The following ETV6 variants were observed in gnomAD, a reference collection of about 807,000 sequenced individuals.
ETV6 encodes the protein ETS variant transcription factor 6.
A neutral mutation model predicts 51.1 loss-of-function variants in ETV6; 16 were observed. The ratio of observed to expected loss-of-function variants is 0.31; its 90% CI spans 0.21 to 0.48. ETV6 has a LOEUF of 0.48. Among genes scored for constraint, ETV6 ranks in the 20% least tolerant of loss-of-function variants. The pLI is 0.99. For missense variants in ETV6, 458 were observed against 594.8 expected (o/e 0.77, Z 2.39); for synonymous variants, 240 against 224.1 (o/e 1.07, Z -0.64).
intron 1 of ETV6, among the ~76,000 whole-genome samples, chr12:11,697,878 GAT>G (rs1184292985): frequency 6.6e-6 from 1 of 152,138 alleles, no homozygotes; most frequent in East Asian, 1.9e-4. Context: ...AGCCCCGAGA[GAT>G]TTCCAATCAT....
intron 3 of ETV6, among the ~76,000 whole-genome samples, chr12:11,842,555 A>G (rs989953381): frequency 6.6e-6 from 1 of 152,150 alleles, no homozygotes; most frequent in African/African-American, 2.4e-5. Context: ...AGTACCTAAC[A>G]CCAGGGCATG....
chr12:11,744,984 A>C (rs980036409), intron 1 of ETV6, among the ~76,000 whole-genome samples: 5 of 152,174 alleles, frequency 3.3e-5, no homozygotes, highest in Admixed American at 6.5e-5. Context: ...TAAAATGGGA[A>C]CAATAAAGAA....
At chr12:11,765,623 A>T (rs1158377034) in intron 2 of ETV6, among the ~76,000 whole-genome samples, 1 of 151,944 alleles carries the variant, frequency 6.6e-6, no homozygotes, top group Non-Finnish European at 1.5e-5. Context: ...ACCATTCACA[A>T]TATGTCTGAG....
chr12:11,730,768 G>T (rs1197017963), intron 1 of ETV6, among the ~76,000 whole-genome samples: 1 of 152,238 alleles, frequency 6.6e-6, no homozygotes, highest in Non-Finnish European at 1.5e-5. Context: ...TAGAGCAGAA[G>T]TAGAGGAATG....
At chr12:11,878,195 T>G (rs1947022735) in intron 5 of ETV6, among the ~76,000 whole-genome samples, 1 of 152,208 alleles carries the variant, frequency 6.6e-6, no homozygotes, top group Non-Finnish European at 1.5e-5. Flanking sequence ...TCCCAGCGGC[T>G]GAGTCACTGC....
At chr12:11,823,412 C>G (rs186880335) in intron 2 of ETV6, among the ~76,000 whole-genome samples, 5 of 151,910 alleles carry the variant, frequency 3.3e-5, no homozygotes, top group South Asian at 2.1e-4. Context: ...TATGGAAAGA[C>G]AGTAAAAGGC....
intron 1 of ETV6, among the ~76,000 whole-genome samples, chr12:11,735,261 C>T (rs981481153): frequency 1.3e-5 from 2 of 152,018 alleles, no homozygotes; most frequent in African/African-American, 4.8e-5. Context: ...AAAGTACCTC[C>T]CAGGATAGAA....
At chr12:11,725,471 A>G (rs1432487226) in intron 1 of ETV6, among the ~76,000 whole-genome samples, 4 of 152,334 alleles carry the variant, frequency 2.6e-5, no homozygotes, top group South Asian at 4.1e-4. Context: ...CAAAGGCAAT[A>G]TATATTTTAA....
intron 5 of ETV6, 60 bp from the exon 6 acceptor site, chr12:11,884,385 T>C: frequency 6.3e-7 from 1 of 1,582,818 alleles, no homozygotes; most frequent in Non-Finnish European, 8.7e-7. Flanking sequence ...TTGATTCTTC[T>C]GGTTAGTGCC....
In ETV6 at chr12:11,752,542, G is replaced by A. The variant is rs1054923515; in HGVS notation, c.126G>A (p.Arg42=). ...PLHVPVPRAL[R]MEEDSIRLPA... ...ATGTTCCAGTGCCTCGAGCGCTCAG[G>A]ATGGAGGAAGACTCGATCCGCCTGC... is the stretch of plus-strand genomic sequence containing the variant. The change falls in exon 2 of 8, where the codon AGG becomes AGA. Residue 42 remains arginine, a synonymous_variant. Coordinates refer to ENST00000396373, the MANE Select transcript of ETV6 (RefSeq NM_001987.5). 1 of 1,613,660 alleles carries A rather than the reference G, an allele frequency of 6.2e-7. No individual in the cohort carries two copies. Among genetic ancestry groups the A allele is most frequent in the African/African-American group, 1.3e-5 (1 of 74,914 alleles).
chr12:11,764,061 T>C (rs1383211210), intron 2 of ETV6, among the ~76,000 whole-genome samples: 2 of 152,212 alleles, frequency 1.3e-5, no homozygotes, highest in Non-Finnish European at 2.9e-5. Flanking sequence ...TCCTTTTGGA[T>C]CAGGCATTAT....
In ETV6 at chr12:11,869,105, G is replaced by A. The variant is rs1047315795; in HGVS notation, c.464-319G>A. ...AAAAAAATTAGCCGAGCATGGTGGT[G>A]GGCGCCTGTAGTCCCAGCTACTCGG... On this transcript the variant is annotated intron_variant, in intron 4 of 7. Transcript: ENST00000396373. This position sits in a 1 kb window ranked among gnomAD's most constrained non-coding sequence, Gnocchi z 5.0. Among the ~76,000 whole-genome samples the A allele has an allele frequency of 2.0e-5, 3 of 151,972 alleles. No individual in the cohort carries two copies. Among genetic ancestry groups the A allele is most frequent in the African/African-American group, 7.3e-5 (3 of 41,370 alleles).
chr12:11,859,358 G>C (rs1301695214), intron 4 of ETV6, among the ~76,000 whole-genome samples: 1 of 151,608 alleles, frequency 6.6e-6, no homozygotes, highest in African/African-American at 2.4e-5. Context: ...AGCCAGGATG[G>C]TCTCGATCTC....
In ETV6 at chr12:11,894,145, C is replaced by T. The variant is rs140236469; in HGVS notation, c.*3099C>T. On this transcript the variant is annotated 3_prime_UTR_variant, in exon 8 of 8. Coordinates refer to ENST00000396373, the MANE Select transcript of ETV6 (RefSeq NM_001987.5). ...CTGAGGGACCCAAAGCTCAATCAGCCATAATCCCTGCTTTCAGAGTTTATA... is the reference window on the plus strand; with the variant it reads ...CTGAGGGACCCAAAGCTCAATCAGCTATAATCCCTGCTTTCAGAGTTTATA... The T allele has an allele frequency of 3.0e-3, 705 of 231,232 alleles. 6 individuals carry two copies. Among genetic ancestry groups the T allele is most frequent in the African/African-American group, 0.015 (669 of 45,294 alleles). The allele number at this position is 231,232 out of a possible 1,614,324, so 14.3% of individuals were successfully genotyped here.
intron 1 of ETV6, among the ~76,000 whole-genome samples, chr12:11,665,441 T>C (rs1243075288): frequency 6.6e-6 from 1 of 152,246 alleles, no homozygotes; most frequent in Non-Finnish European, 1.5e-5. Context: ...TTGCTTCTGT[T>C]ATTGGCAACA....
intron 2 of ETV6, among the ~76,000 whole-genome samples, chr12:11,764,452 T>C (rs1591657671): frequency 6.6e-6 from 1 of 152,364 alleles, no homozygotes; most frequent in East Asian, 1.9e-4. Flanking sequence ...AGGTCTCCTC[T>C]AGTACACTGG....
chr12:11,873,738 G>T lies in ETV6; in HGVS notation c.1009+3769G>T, dbSNP rs900498166. The stretch of plus-strand genomic sequence containing the variant: ...CACTGTTCTGCATTCTTGATGGGGT[G>T]GGGACAGCCTCAGAGAGGTATAAGA... On this transcript the variant is annotated intron_variant, in intron 5 of 7. Coordinates refer to ENST00000396373, the MANE Select transcript of ETV6 (RefSeq NM_001987.5). Among the ~76,000 whole-genome samples, 4 of 112,854 alleles carry T rather than the reference G, an allele frequency of 3.5e-5. 1 individual carries two copies. The highest frequency in any genetic ancestry group is 7.2e-5 in the Non-Finnish European group (4 of 55,496). 74.0% of individuals were successfully genotyped at this position (112,854 alleles called of 152,430 possible).
At chr12:11,837,415 G>C (rs1271704377) in intron 2 of ETV6, among the ~76,000 whole-genome samples, 1 of 152,104 alleles carries the variant, frequency 6.6e-6, no homozygotes, top group Non-Finnish European at 1.5e-5. Flanking sequence ...GTTTTGAGGG[G>C]ACTTCCACAG....
At chr12:11,793,878 C>A (rs1302017807) in intron 2 of ETV6, among the ~76,000 whole-genome samples, 1 of 152,186 alleles carries the variant, frequency 6.6e-6, no homozygotes, top group Non-Finnish European at 1.5e-5. Flanking sequence ...AGAACTGTGT[C>A]CACCTACTGT....
Sources: allele counts gnomAD v4.1 joint callset (sites outside exome capture counted in the v4.1 genomes callset), GRCh38; gene constraint gnomAD v4.1.1; non-coding constraint Gnocchi (gnomAD v3.1); transcripts MANE v1.5; gene names NCBI Gene and HGNC (gene_info 2026-07-23, HGNC 2026-07-21).